The following C2orf66 variants were observed in gnomAD, a reference collection of about 807,000 sequenced individuals.
C2orf66 encodes the protein uncharacterized protein C2orf66.
A neutral mutation model predicts 7.0 loss-of-function variants in C2orf66; 6 were observed. That is an observed-to-expected ratio of 0.86 (90% CI 0.47 to 1.69). The LOEUF (loss-of-function observed/expected upper bound fraction) is 1.69. Among genes scored for constraint, C2orf66 ranks in the 40% most tolerant of loss-of-function variants. The pLI is 0.01. For synonymous variants in C2orf66, 38 were observed against 43.8 expected, an observed-to-expected ratio of 0.87 and a Z score of 0.52; for missense variants, 107 against 112.0, an observed-to-expected ratio of 0.96 and a Z score of 0.20.
the C2orf66 span, among the ~76,000 whole-genome samples, chr2:196,828,228 TCTCACACACACACACACACACACACA>T: frequency 3.1e-5 from 4 of 127,332 alleles, no homozygotes; most frequent in South Asian, 5.0e-4. Context: ...TCTCTCTCTC[TCTCACACACACACACACACACACACA>T]CACACACACA....
At chr2:196,824,513 G>C in the C2orf66 span, among the ~76,000 whole-genome samples, 2 of 152,110 alleles carry the variant, frequency 1.3e-5, no homozygotes, top group South Asian at 4.1e-4. Flanking sequence ...TTTTCAGTTA[G>C]TTGTATTTGG....
chr2:196,810,963 G>A (rs1340025949), upstream of C2orf66, among the ~76,000 whole-genome samples: 7 of 152,282 alleles, frequency 4.6e-5, no homozygotes, highest in South Asian at 4.1e-4. Context: ...ATGAAATAGC[G>A]AGTGCTATGA....
chr2:196,822,962 T>C, the C2orf66 span, among the ~76,000 whole-genome samples: 1 of 151,478 alleles, frequency 6.6e-6, no homozygotes, highest in African/African-American at 2.4e-5. Flanking sequence ...CAAAAAAGAA[T>C]CTTAGATAGT....
chr2:196,828,192 T>C, the C2orf66 span, among the ~76,000 whole-genome samples: 1 of 150,964 alleles, frequency 6.6e-6, no homozygotes, highest in Non-Finnish European at 1.5e-5. Flanking sequence ...AGCAAATCCA[T>C]TTCTAGACGA....
Position 196,804,739 on chromosome 2 carries a change from C to A in C2orf66, c.*689G>T, listed in dbSNP as rs375155822. On this transcript the variant is annotated 3_prime_UTR_variant, in exon 3 of 3. Transcript: ENST00000342506. ...GAGGTTGTGTATGAGAGCAAGGGCT[C>A]GGGCATTGCTAGAATATTTGATGTG... is the stretch of plus-strand genomic sequence containing the variant. Among the ~76,000 whole-genome samples, 1 of 152,168 alleles carries A rather than the reference C, an allele frequency of 6.6e-6. No homozygotes were observed. The highest frequency in any genetic ancestry group is 2.4e-5 in the African/African-American group (1 of 41,432).
the C2orf66 span, among the ~76,000 whole-genome samples, chr2:196,821,487 T>A: frequency 0.11 from 16,445 of 152,290 alleles, 939 homozygotes; most frequent in South Asian, 0.13. Flanking sequence ...TTATTCCCTT[T>A]TGAGGAAGGC....
the C2orf66 span, among the ~76,000 whole-genome samples, chr2:196,829,487 G>A: frequency 6.6e-6 from 1 of 152,028 alleles, no homozygotes; most frequent in Non-Finnish European, 1.5e-5. Flanking sequence ...TACTCGGGAG[G>A]CTGAGGCAGG....
the C2orf66 span, among the ~76,000 whole-genome samples, chr2:196,815,332 A>C: frequency 1.3e-5 from 2 of 152,106 alleles, no homozygotes; most frequent in Admixed American, 1.3e-4. Context: ...GTTGATTATG[A>C]CATTTCCTTC....
chr2:196,810,508 A>G (rs1699864162), upstream of C2orf66, among the ~76,000 whole-genome samples: 1 of 152,232 alleles, frequency 6.6e-6, no homozygotes, highest in South Asian at 2.1e-4. Context: ...TTTCATGGAA[A>G]AAAGATAAAT....
At chr2:196,806,555 A>T (rs1411729268) in intron 2 of C2orf66, among the ~76,000 whole-genome samples, 2 of 151,370 alleles carry the variant, frequency 1.3e-5, no homozygotes, top group African/African-American at 2.4e-5. Context: ...CTAAATAATA[A>T]GAGTAATGAA....
the C2orf66 span, among the ~76,000 whole-genome samples, chr2:196,825,391 TTAA>T: frequency 6.6e-6 from 1 of 152,132 alleles, no homozygotes; most frequent in Non-Finnish European, 1.5e-5. Context: ...ATGACTATAG[TTAA>T]TAATACTATA....
intron 2 of C2orf66, among the ~76,000 whole-genome samples, chr2:196,806,291 A>G (rs896449512): frequency 6.6e-6 from 1 of 151,966 alleles, no homozygotes; most frequent in African/African-American, 2.4e-5. Flanking sequence ...TCCACCTCCC[A>G]GGTTCACGCC....
chr2:196,819,870 A>G, the C2orf66 span, among the ~76,000 whole-genome samples: 18 of 152,320 alleles, frequency 1.2e-4, no homozygotes, highest in Admixed American at 4.6e-4. Context: ...GAGGGGAGAG[A>G]TAATTGTAGT....
At chr2:196,811,606 A>G (rs1699877918), upstream of C2orf66, among the ~76,000 whole-genome samples, 1 of 152,182 alleles carries the variant, frequency 6.6e-6, no homozygotes, top group Admixed American at 6.5e-5. Flanking sequence ...AAACCGAGGC[A>G]TGGAGGAGTG....
chr2:196,812,141 CTTGT>C (rs748838427), upstream of C2orf66, among the ~76,000 whole-genome samples: 50 of 152,264 alleles, frequency 3.3e-4, no homozygotes, highest in Non-Finnish European at 4.6e-4. Flanking sequence ...ATATGAGAGA[CTTGT>C]TTGTTTAAAT....
chr2:196,826,858 C>T, the C2orf66 span, among the ~76,000 whole-genome samples: 1 of 151,848 alleles, frequency 6.6e-6, no homozygotes, highest in Non-Finnish European at 1.5e-5. Flanking sequence ...TGGTGAAGCC[C>T]CATCTCTAAT....
the C2orf66 span, among the ~76,000 whole-genome samples, chr2:196,826,719 T>G: frequency 6.6e-6 from 1 of 152,130 alleles, no homozygotes; most frequent in African/African-American, 2.4e-5. Flanking sequence ...ATAAACTGTG[T>G]TATGTGTATT....
upstream of C2orf66, chr2:196,809,460 C>T: frequency 7.3e-7 from 1 of 1,365,984 alleles, no homozygotes; most frequent in South Asian, 1.3e-5. Flanking sequence ...GGAGAAATAG[C>T]ATACTGGTTT....
chr2:196,807,662 G>T (rs770947561), intron 1 of C2orf66, 40 bp from the exon 2 acceptor site: 2 of 1,506,632 alleles, frequency 1.3e-6, no homozygotes, highest in African/African-American at 1.4e-5. Flanking sequence ...AGATATAAAT[G>T]AAACACCAAA....
Sources: gnomAD v4.1 joint callset for allele counts (sites outside exome capture counted in the v4.1 genomes callset) on GRCh38, gnomAD v4.1.1 for gene constraint, MANE v1.5 for transcripts, NCBI Gene and HGNC (gene_info 2026-07-23, HGNC 2026-07-21) for gene names.